TRIM7: variants seen among roughly 807,000 people sequenced by gnomAD.
TRIM7 encodes the protein tripartite motif containing 7.
In TRIM7, 32 loss-of-function variants were observed where a neutral mutation model predicts 37.9. That is an observed-to-expected ratio of 0.84 (90% confidence interval 0.64 to 1.13). The LOEUF is 1.13. Among genes scored for constraint, TRIM7 ranks in the 50% most tolerant of loss-of-function variants. The pLI, the probability that TRIM7 is intolerant of heterozygous loss-of-function variation, is 0.00. For synonymous variants in TRIM7, 351 were observed against 321.3 expected, an observed-to-expected ratio of 1.09 and a Z score of -0.99; for missense variants, 732 against 714.0, an observed-to-expected ratio of 1.03 and a Z score of -0.29.
At chr5:181,198,987 G>A (rs1350931899) in intron 4 of TRIM7, 108 bp downstream of exon 4, 1 of 1,474,670 alleles carries the variant, frequency 6.8e-7, no homozygotes, top group Non-Finnish European at 9.5e-7. Context: ...AGGCAAGCAA[G>A]TCGGGGGATC....
In TRIM7 at chr5:181,195,468, C is replaced by CAAA. The variant is rs540082923; in HGVS notation, c.1231_1233dup (p.Phe411dup). 457 of 1,612,148 alleles carry CAAA rather than the reference C, an allele frequency of 2.8e-4. 2 individuals carry two copies. The East Asian group carries it at 9.0e-3, about 32-fold the overall frequency. ...CGGCGCACGCTCTCGCGGGCCACGC[C>CAAA]AAAGGCCCAGCCGTCCTTAGAGCCC... On this transcript the variant is annotated inframe_insertion, in exon 7 of 7. Coordinates refer to ENST00000274773, the MANE Select transcript of TRIM7 (RefSeq NM_203293.3).
Position 181,195,001 on chromosome 5 carries a change from G to T in TRIM7, c.*165C>A. 2 of 796,142 alleles carry T rather than the reference G, an allele frequency of 2.5e-6. No homozygotes were observed. The highest frequency in any genetic ancestry group is 3.9e-6 in the Non-Finnish European group (2 of 513,556). 49.3% of individuals were successfully genotyped at this position (796,142 alleles called of 1,614,324 possible). A position where few individuals can be genotyped will look rare whatever the true frequency, so the allele number is the denominator to read the frequency against. On this transcript the variant is annotated 3_prime_UTR_variant, in exon 7 of 7. Transcript: ENST00000274773. ...AAAGCCCCTGTTCCCCTGCTCGGTT[G>T]GCCACAGTCACTCTCCTGCCTCGGG...
Position 181,194,094 on chromosome 5 carries a change from TGAG to T in TRIM7, c.*1069_*1071del. On this transcript the variant is annotated 3_prime_UTR_variant, in exon 7 of 7. Transcript: ENST00000274773. The stretch of plus-strand genomic sequence containing the variant: ...GGGGAATGCCCTCCAGGGCATGGGC[TGAG>T]AAGGCCTTGGCACCAGGGTGCTCTG... 1 of 152,456 alleles carries T rather than the reference TGAG, an allele frequency of 6.6e-6. No individual in the cohort carries two copies. Among genetic ancestry groups the T allele is most frequent in the Admixed American group, 6.5e-5 (1 of 15,310 alleles). 9.4% of individuals were successfully genotyped at this position (152,456 alleles called of 1,614,324 possible).
Position 181,200,058 on chromosome 5 carries a change from C to G in TRIM7, c.642G>C (p.Glu214Asp). The change falls in exon 3 of 7, where the codon GAG becomes GAC. Residue 214 changes from glutamate to aspartate, a missense_variant. Transcript: ENST00000274773. ...GTGCCTGGAACTCTGCCCCCACCTT[C>G]TCCTGCTCCGCTGCCATCTGTTTCT... ...ELLKQMAAEQ[E>D]KVGAEFQALR... 6.2e-7 allele frequency: 1 copy of G among 1,614,278 alleles called. No individual in the cohort carries two copies. The highest frequency in any genetic ancestry group is 1.1e-5 in the South Asian group (1 of 91,088).
intron 3 of TRIM7, 39 bp downstream of exon 3, chr5:181,199,812 A>T: frequency 6.3e-7 from 1 of 1,580,686 alleles, no homozygotes; most frequent in Non-Finnish European, 8.6e-7. Context: ...CTGATGCCTT[A>T]GGATAAATGA....
At position 181,204,848 on chromosome 5, in the gene TRIM7, C is replaced by G; in HGVS notation, c.263G>C (p.Ser88Thr). 1 of 1,348,400 alleles carries G rather than the reference C, an allele frequency of 7.4e-7. No individual in the cohort carries two copies. Among genetic ancestry groups the G allele is most frequent in the Non-Finnish European group, 9.4e-7 (1 of 1,060,518 alleles). 83.5% of individuals were successfully genotyped at this position (1,348,400 alleles called of 1,614,324 possible). ...CPQCREPARP[S>T]QLRPNRQLAA... ...CAGCTGCCGGTTGGGCCGCAGCTGACTGGGGCGCGCGGGCTCGCGGCACTG... is the reference window on the plus strand; with the variant it reads ...CAGCTGCCGGTTGGGCCGCAGCTGAGTGGGGCGCGCGGGCTCGCGGCACTG... Residue 88 changes from serine (S) to threonine (T), a missense_variant, in exon 1 of 7, where the codon AGT becomes ACT. By Grantham distance (58) the Ser-to-Thr change is moderately conservative. Coordinates refer to ENST00000274773, the MANE Select transcript of TRIM7 (RefSeq NM_203293.3).
intron 2 of TRIM7, chr5:181,200,884 G>A (rs1209469013): frequency 3.0e-6 from 3 of 985,344 alleles, no homozygotes; most frequent in Admixed American, 6.1e-5. Context: ...GGTTCAAGGT[G>A]TCCTACAATG....
chr5:181,195,316 C>G lies in TRIM7; in HGVS notation c.1386G>C (p.Arg462=), dbSNP rs1256080215. ...PLSCGHLSRV[R]VALDLEVGAV... ...CTCCCACCTCCAGGTCCAGGGCCAC[C>G]CGCACGCGCGACAGGTGCCCGCAGC... Residue 462 remains arginine, a synonymous_variant, in exon 7 of 7, where the codon CGG becomes CGC. Coordinates refer to ENST00000274773, the MANE Select transcript of TRIM7 (RefSeq NM_203293.3). 6.3e-7 allele frequency: 1 copy of G among 1,596,194 alleles called. No individual in the cohort carries two copies. Among genetic ancestry groups the G allele is most frequent in the South Asian group, 1.1e-5 (1 of 88,988 alleles).
intron 2 of TRIM7, chr5:181,200,923 G>A (rs1440732450): frequency 1.2e-5 from 12 of 985,374 alleles, no homozygotes; most frequent in Non-Finnish European, 3.6e-6. Context: ...CTTCCAGGCA[G>A]GCTGCAGTAG....
chr5:181,198,259 G>T, intron 5 of TRIM7, 41 bp from the exon 6 acceptor site: 1 of 1,607,358 alleles, frequency 6.2e-7, no homozygotes, highest in Non-Finnish European at 8.5e-7. Flanking sequence ...TGAGCGACAC[G>T]GGAGATTATA....
At position 181,199,973 on chromosome 5, in the gene TRIM7, G is replaced by T. The variant is rs61739211; in HGVS notation, c.727C>A (p.Arg243=). Reference sequence around the variant, plus strand: ...TCATTCTGCTTCTGTGCCACCTCCCGGGACAGTTCCTCCAGGCGGCCTAGC... The same window carrying T: ...TCATTCTGCTTCTGTGCCACCTCCCTGGACAGTTCCTCCAGGCGGCCTAGC... ...RLLGRLEELS[R]EVAQKQNENL... The change falls in exon 3 of 7, where the codon CGG becomes AGG. Residue 243 remains arginine, a synonymous_variant. Coordinates refer to ENST00000274773, the MANE Select transcript of TRIM7 (RefSeq NM_203293.3). 1 of 1,614,108 alleles carries T rather than the reference G, an allele frequency of 6.2e-7. No individual in the cohort carries two copies.
At chr5:181,198,667 C>T (rs756894305) in intron 5 of TRIM7, 23 bp downstream of exon 5, 3 of 1,564,616 alleles carry the variant, frequency 1.9e-6, no homozygotes, top group Non-Finnish European at 2.6e-6. Flanking sequence ...CTATGTGGCC[C>T]AGCTTGGCGC....
chr5:181,195,341 C>A lies in TRIM7; in HGVS notation c.1361G>T (p.Ser454Ile). 6.3e-7 allele frequency: 1 copy of A among 1,585,818 alleles called. No homozygotes were observed. The highest frequency in any genetic ancestry group is 8.6e-7 in the Non-Finnish European group (1 of 1,166,474). ...AVTSPERSPL[S>I]CGHLSRVRVA... is the part of the protein sequence containing the mutation. ...CCGCACGCGCGACAGGTGCCCGCAG[C>A]TGAGGGGCGACCGCTCGGGGCTGGT... The change falls in exon 7 of 7, where the codon AGC (serine) becomes ATC (isoleucine). Residue 454 changes from serine (S) to isoleucine (I), a missense_variant. By Grantham distance (142) the Ser-to-Ile change is moderately radical (BLOSUM62 -2). Transcript: ENST00000274773.
intron 6 of TRIM7, chr5:181,197,222 C>T (rs530371328): frequency 1.3e-5 from 2 of 152,042 alleles, no homozygotes; most frequent in Non-Finnish European, 2.9e-5. Context: ...GGGGGTACCA[C>T]AGAGTATCAG....
At chr5:181,201,748 C>T (rs1321943141) in intron 2 of TRIM7, among the ~76,000 whole-genome samples, 1 of 152,232 alleles carries the variant, frequency 6.6e-6, no homozygotes, top group Admixed American at 6.5e-5. Context: ...AACAAAACAA[C>T]AACAAAAACG....
At position 181,199,945 on chromosome 5, in the gene TRIM7, T is replaced by A; in HGVS notation, c.755A>T (p.Asn252Ile). ...GATCTCAACCCCGAGCTGGGCCAGGTTCTCATTCTGCTTCTGTGCCACCTC... is the reference window on the plus strand; with the variant it reads ...GATCTCAACCCCGAGCTGGGCCAGGATCTCATTCTGCTTCTGTGCCACCTC... Reference protein sequence around the residue: ...SREVAQKQNENLAQLGVEITQ... With the variant: ...SREVAQKQNEILAQLGVEITQ... The change falls in exon 3 of 7, where the codon AAC becomes ATC. Residue 252 changes from asparagine (N) to isoleucine (I), a missense_variant. Coordinates refer to ENST00000274773, the MANE Select transcript of TRIM7 (RefSeq NM_203293.3). 2 of 1,614,210 alleles carry A rather than the reference T, an allele frequency of 1.2e-6. No homozygotes were observed. Among genetic ancestry groups the A allele is most frequent in the Non-Finnish European group, 1.7e-6 (2 of 1,180,034 alleles).
chr5:181,204,401 T>G, intron 1 of TRIM7, 188 bp downstream of exon 1: 99 of 1,144,260 alleles, frequency 8.7e-5, no homozygotes, highest in East Asian at 2.4e-4. Flanking sequence ...GTATTGGTGA[T>G]GTTGGGGGTG....
intron 2 of TRIM7, chr5:181,200,448 G>GGC (rs1183687532): frequency 1.2e-5 from 14 of 1,212,904 alleles, no homozygotes; most frequent in Non-Finnish European, 1.3e-5. Context: ...GGATTAAACT[G>GGC]AGATTGCTTT....
chr5:181,198,005 G>A, intron 6 of TRIM7, 178 bp downstream of exon 6: 1 of 648,662 alleles, frequency 1.5e-6, no homozygotes, highest in South Asian at 1.8e-5. Flanking sequence ...ATCTGAGGGT[G>A]TCAGAGCTCC....
Sources: gnomAD v4.1 joint callset for allele counts (sites outside exome capture counted in the v4.1 genomes callset) on GRCh38, gnomAD v4.1.1 for gene constraint, MANE v1.5 for transcripts, NCBI Gene and HGNC (gene_info 2026-07-23, HGNC 2026-07-21) for gene names.